The following MTHFD1L variants were observed in gnomAD, a reference collection of about 807,000 sequenced individuals.
MTHFD1L encodes the protein methylenetetrahydrofolate dehydrogenase (NADP+ dependent) 1 like, also known as monofunctional C1-tetrahydrofolate synthase, mitochondrial.
A neutral mutation model predicts 119.5 loss-of-function variants in MTHFD1L; 81 were observed. That is an observed-to-expected ratio of 0.68 (90% CI 0.57 to 0.82). The LOEUF (loss-of-function observed/expected upper bound fraction) is 0.82. Ranked by LOEUF, MTHFD1L falls within the 40% of genes least tolerant of loss-of-function variation. MTHFD1L has a pLI of 0.00. For missense variants in MTHFD1L, 1,125 were observed against 1,253.4 expected, an observed-to-expected ratio of 0.90 and a Z score of 1.55; for synonymous variants, 430 against 475.2, an observed-to-expected ratio of 0.90 and a Z score of 1.24.
chr6:151,075,521 A>G (rs1283014256), intron 26 of MTHFD1L, among the ~76,000 whole-genome samples: 1 of 152,206 alleles, frequency 6.6e-6, no homozygotes, highest in Non-Finnish European at 1.5e-5. Context: ...AATTATAGGG[A>G]AAAATAGAAA....
At chr6:151,060,685 G>C (rs1009533623) in intron 26 of MTHFD1L, among the ~76,000 whole-genome samples, 1 of 152,214 alleles carries the variant, frequency 6.6e-6, no homozygotes, top group Admixed American at 6.5e-5. Context: ...GAACATTGCT[G>C]TAAGCCTTTA....
intron 20 of MTHFD1L, among the ~76,000 whole-genome samples, chr6:150,990,521 G>A (rs994004455): frequency 4.0e-5 from 6 of 151,898 alleles, no homozygotes; most frequent in African/African-American, 7.3e-5. Flanking sequence ...GTGCAATGGC[G>A]TGATCTTAGC....
chr6:151,051,127 C>A (rs1296204745), intron 26 of MTHFD1L, among the ~76,000 whole-genome samples: 1 of 152,140 alleles, frequency 6.6e-6, no homozygotes, highest in Non-Finnish European at 1.5e-5. Flanking sequence ...ACTCCATTAC[C>A]TTAAGCTCAG....
Position 151,015,559 on chromosome 6 carries a change from A to G in MTHFD1L, c.2452A>G (p.Lys818Glu). 1.2e-6 allele frequency: 2 copies of G among 1,614,070 alleles called. No homozygotes were observed. The highest frequency in any genetic ancestry group is 2.2e-5 in the East Asian group (1 of 44,880). ...GATTGACTTGGTGTGTGAGCTTGCA[A>G]AGCGGGCTGGTGCCTTTGATGCAGT... ...AEIDLVCELA[K>E]RAGAFDAVPC... The change falls in exon 24 of 28, where the codon AAG becomes GAG. Residue 818 changes from lysine (K) to glutamate (E), a missense_variant. Around this residue, in one of 3 missense-constraint regions of MTHFD1L, gnomAD observed 1,058 missense variants for 1,151.2 expected, o/e 0.92. Coordinates refer to ENST00000367321, the MANE Select transcript of MTHFD1L (RefSeq NM_015440.5).
chr6:150,918,701 G>A, intron 9 of MTHFD1L, 33 bp downstream of exon 9: 2 of 1,560,268 alleles, frequency 1.3e-6, no homozygotes, highest in South Asian at 2.2e-5. Flanking sequence ...AGAATCTTGA[G>A]TTTGGAAGTT....
At chr6:150,973,630 A>T (rs1776104371) in intron 20 of MTHFD1L, among the ~76,000 whole-genome samples, 1 of 152,220 alleles carries the variant, frequency 6.6e-6, no homozygotes, top group South Asian at 2.1e-4. Flanking sequence ...ACTTTGTCAA[A>T]CACATATTTA....
rs758193909 is a variant in MTHFD1L at position 151,015,634 on chromosome 6, C to A, written c.2527C>A (p.Arg843=). ...VGGKGSVDLA[R]AVREAASKRS... ...TGGAAAAGGATCGGTGGACTTGGCT[C>A]GGGCTGTGAGAGAGGCTGCGAGTAA... The change falls in exon 24 of 28, where the codon CGG becomes AGG. Residue 843 remains arginine (R), a synonymous_variant. Coordinates refer to ENST00000367321, the MANE Select transcript of MTHFD1L (RefSeq NM_015440.5). The A allele has an allele frequency of 6.2e-7, 1 of 1,614,050 alleles. No homozygotes were observed. The highest frequency in any genetic ancestry group is 1.1e-5 in the South Asian group (1 of 91,068).
chr6:151,061,475 C>T (rs1156444925), intron 26 of MTHFD1L, among the ~76,000 whole-genome samples: 1 of 152,178 alleles, frequency 6.6e-6, no homozygotes, highest in African/African-American at 2.4e-5. Flanking sequence ...GAAATTTAGG[C>T]ACAGTGAGCC....
At chr6:150,894,565 C>A (rs1253660762) in intron 7 of MTHFD1L, among the ~76,000 whole-genome samples, 1 of 152,178 alleles carries the variant, frequency 6.6e-6, no homozygotes, top group Non-Finnish European at 1.5e-5. Context: ...CTCCCTTCCT[C>A]CAAAGCTGTG....
chr6:150,938,557 G>T, intron 12 of MTHFD1L, 142 bp from the exon 13 acceptor site: 1 of 758,830 alleles, frequency 1.3e-6, no homozygotes, highest in Non-Finnish European at 2.3e-6. Flanking sequence ...ATAACCATTA[G>T]TGTCTCTCAC....
chr6:150,937,756 G>A (rs987431484), intron 12 of MTHFD1L, among the ~76,000 whole-genome samples: 4 of 152,072 alleles, frequency 2.6e-5, no homozygotes, highest in Non-Finnish European at 5.9e-5. Context: ...ATCTCTAAAA[G>A]TCCAAAATGC....
rs191178874 is a variant in MTHFD1L at position 151,025,274 on chromosome 6, G to A, written c.2587-9219G>A. On this transcript the variant is annotated intron_variant, in intron 24 of 27. Transcript: ENST00000367321. ...TGAGCAGGCTCGTGGACGTCGGCAC[G>A]TAGCTCAGATGTGCTGATTTCCAGC... Among the ~76,000 whole-genome samples, 103 of 152,348 alleles carry A rather than the reference G, an allele frequency of 6.8e-4. 1 individual carries two copies. Among genetic ancestry groups the A allele is most frequent in the Admixed American group, 2.0e-3 (31 of 15,306 alleles).
intron 24 of MTHFD1L, among the ~76,000 whole-genome samples, chr6:151,033,280 C>T (rs1188892803): frequency 6.6e-6 from 1 of 151,998 alleles, no homozygotes; most frequent in Non-Finnish European, 1.5e-5. Flanking sequence ...CTGCCACACC[C>T]AGCTGATTTT....
At chr6:150,924,535 G>A (rs549721962) in intron 10 of MTHFD1L, among the ~76,000 whole-genome samples, 128 of 152,076 alleles carry the variant, frequency 8.4e-4, no homozygotes, top group Non-Finnish European at 1.1e-3. Context: ...GGAGTGCAGT[G>A]GTGCAATCTC....
intron 16 of MTHFD1L, 28 bp from the exon 17 acceptor site, chr6:150,955,967 A>T (rs1367193982): frequency 6.3e-7 from 1 of 1,591,436 alleles, no homozygotes; most frequent in Non-Finnish European, 8.6e-7. Context: ...ATATTTGTCG[A>T]CTGAATGACT....
At chr6:150,883,030 C>T in intron 5 of MTHFD1L, 144 bp downstream of exon 5, 1 of 873,020 alleles carries the variant, frequency 1.1e-6, no homozygotes. Context: ...TTTCAGGAGT[C>T]TATAGGATTT....
intron 26 of MTHFD1L, among the ~76,000 whole-genome samples, chr6:151,083,813 A>T (rs976945641): frequency 1.3e-5 from 2 of 152,184 alleles, no homozygotes; most frequent in Admixed American, 6.5e-5. Context: ...GCCATGAAAG[A>T]GTAGCAAGCC....
chr6:151,066,831 T>TG (rs1318400048), intron 26 of MTHFD1L, among the ~76,000 whole-genome samples: 1 of 152,060 alleles, frequency 6.6e-6, no homozygotes, highest in Non-Finnish European at 1.5e-5. Flanking sequence ...CTTTCGCTGA[T>TG]GCTTTAGGAA....
In MTHFD1L at chr6:151,009,690, A is replaced by G; in HGVS notation, c.2126-129A>G. On this transcript the variant is annotated intron_variant, in intron 20 of 27. Coordinates refer to ENST00000367321, the MANE Select transcript of MTHFD1L (RefSeq NM_015440.5). Reference sequence around the variant, plus strand: ...ACATTTCTATGACAATGGGGAAATCAGTTCACCTTTGTGTTGGTAAACAAA... The same window carrying G: ...ACATTTCTATGACAATGGGGAAATCGGTTCACCTTTGTGTTGGTAAACAAA... 2.8e-6 allele frequency: 3 copies of G among 1,061,170 alleles called. No homozygotes were observed. The East Asian group carries it at 7.5e-5, about 27-fold the overall frequency. The allele number at this position is 1,061,170 out of a possible 1,614,324, so 65.7% of individuals were successfully genotyped here. A position where few individuals can be genotyped will look rare whatever the true frequency, so the allele number is the denominator to read the frequency against.
Sources: allele counts gnomAD v4.1 joint callset (sites outside exome capture counted in the v4.1 genomes callset), GRCh38; gene constraint gnomAD v4.1.1; regional missense constraint gnomAD v4.1.1; transcripts MANE v1.5; gene names NCBI Gene and HGNC (gene_info 2026-07-23, HGNC 2026-07-21).